Variants in TFIP11 observed in about 807,000 individuals in gnomAD.
The protein encoded by TFIP11 is tuftelin-interacting protein 11.
A neutral mutation model predicts 96.8 loss-of-function variants in TFIP11; 86 were observed. The ratio of observed to expected loss-of-function variants is 0.89; its 90% confidence interval spans 0.75 to 1.06. The LOEUF is 1.06. Ranked by LOEUF, TFIP11 falls within the 50% of genes least tolerant of loss-of-function variation. The pLI is 0.00. For missense variants in TFIP11, 881 were observed against 1,076.7 expected, an observed-to-expected ratio of 0.82 and a Z score of 2.54; for synonymous variants, 405 against 395.2, an observed-to-expected ratio of 1.02 and a Z score of -0.29.
At chr22:26,496,915 C>A in intron 10 of TFIP11, 26 bp from the exon 11 acceptor site, 3 of 1,611,872 alleles carry the variant, frequency 1.9e-6, no homozygotes, top group Non-Finnish European at 2.5e-6. Context: ...AGAGGACAGG[C>A]TGGTTAATTA....
intron 8 of TFIP11, 74 bp downstream of exon 8, chr22:26,501,826 A>G: frequency 7.1e-7 from 1 of 1,411,772 alleles, no homozygotes; most frequent in Non-Finnish European, 9.4e-7. Context: ...AAAAGATCCA[A>G]AAAACCCTCG....
chr22:26,508,594 G>A (rs1489686875), intron 4 of TFIP11, among the ~76,000 whole-genome samples: 1 of 152,164 alleles, frequency 6.6e-6, no homozygotes, highest in Non-Finnish European at 1.5e-5. Context: ...GGTGGCTCAC[G>A]CCTGTAATCC....
intron 4 of TFIP11, among the ~76,000 whole-genome samples, chr22:26,508,320 G>A (rs1452210133): frequency 6.6e-6 from 1 of 152,280 alleles, no homozygotes; most frequent in East Asian, 1.9e-4. Flanking sequence ...ATGACCATTA[G>A]CCTCAGTCTC....
At position 26,492,231 on chromosome 22, in the gene TFIP11, C is replaced by T. The variant is rs144403503; in HGVS notation, c.2296G>A (p.Ala766Thr). The T allele has an allele frequency of 1.2e-4, 189 of 1,614,112 alleles. No individual in the cohort carries two copies. In the African/African-American group the frequency reaches 2.3e-3, roughly 20 times the overall value. ...NMAQRGIGVA[A>T]SSVPMNFKDL... ...TTAAAGTTCATGGGCACAGAGCTAGCGGCCACGCCAATGCCCCTCTGAGCC... is the reference window on the plus strand; with the variant it reads ...TTAAAGTTCATGGGCACAGAGCTAGTGGCCACGCCAATGCCCCTCTGAGCC... Residue 766 changes from alanine to threonine, a missense_variant, in exon 15 of 15, where the codon GCT (alanine) becomes ACT (threonine). Coordinates refer to ENST00000407690, the MANE Select transcript of TFIP11 (RefSeq NM_012143.4).
At chr22:26,494,456 GA>G in intron 13 of TFIP11, 152 bp from the exon 14 acceptor site, 2 of 953,122 alleles carry the variant, frequency 2.1e-6, no homozygotes, top group Non-Finnish European at 3.1e-6. Flanking sequence ...TAGCACTTAT[GA>G]ATATGGATTT....
At chr22:26,507,905 A>G (rs1923611795) in intron 4 of TFIP11, among the ~76,000 whole-genome samples, 2 of 152,190 alleles carry the variant, frequency 1.3e-5, no homozygotes, top group Non-Finnish European at 1.5e-5. Flanking sequence ...CAGGAGTTCA[A>G]GACCAGCTGG....
At chr22:26,494,406 G>A (rs1480501641) in intron 13 of TFIP11, 102 bp from the exon 14 acceptor site, 1 of 1,349,952 alleles carries the variant, frequency 7.4e-7, no homozygotes. Context: ...CTACAGGCTA[G>A]TGACACTACT....
rs374757982 is a variant in TFIP11 at position 26,501,975 on chromosome 22, G to A, written c.726C>T (p.Thr242=). The A allele has an allele frequency of 4.2e-5, 67 of 1,613,576 alleles. No individual in the cohort carries two copies. The highest frequency in any genetic ancestry group is 1.3e-4 in the East Asian group (6 of 44,788). The change falls in exon 8 of 15, where the codon ACC becomes ACT. Residue 242 remains threonine, a synonymous_variant. Coordinates refer to ENST00000407690, the MANE Select transcript of TFIP11 (RefSeq NM_012143.4). ...SKKKPKYSYK[T]VEELKAKGRI... ...TGCCCTTGGCCTTCAACTCTTCCAC[G>A]GTCTTGTAAGAGTATTTGGGCTTCT...
intron 6 of TFIP11, chr22:26,505,964 T>G (rs1266481398): frequency 2.3e-5 from 4 of 172,230 alleles, no homozygotes; most frequent in Non-Finnish European, 3.7e-5. Flanking sequence ...ACCACCCGCC[T>G]TGGCCTCCCA....
intron 13 of TFIP11, 52 bp downstream of exon 13, chr22:26,494,745 T>G (rs1921701099): frequency 6.2e-7 from 1 of 1,611,322 alleles, no homozygotes; most frequent in Admixed American, 1.7e-5. Context: ...GAAAATTAAC[T>G]TAATCCCCAC....
chr22:26,496,878 T>C lies in TFIP11; in HGVS notation c.1448A>G (p.Glu483Gly), dbSNP rs200959980. The change falls in exon 11 of 15, where the codon GAA becomes GGA. Residue 483 changes from glutamate to glycine, a missense_variant. Transcript: ENST00000407690. ...SADAFHRLIW[E>G]VWMPFVRNIV... Reference sequence around the variant, plus strand: ...ATTTCGAACAAAAGGCATCCAGACTTCCCATATCAACCTATGGGAGAAAGG... The same window carrying C: ...ATTTCGAACAAAAGGCATCCAGACTCCCCATATCAACCTATGGGAGAAAGG... 1.9e-6 allele frequency: 3 copies of C among 1,613,994 alleles called. No individual in the cohort carries two copies. The East Asian group carries it at 6.7e-5, about 36-fold the overall frequency.
At chr22:26,494,405 A>AGT (rs1921655366) in intron 13 of TFIP11, 101 bp from the exon 14 acceptor site, 1 of 1,357,932 alleles carries the variant, frequency 7.4e-7, no homozygotes, top group Non-Finnish European at 1.0e-6. Flanking sequence ...CCTACAGGCT[A>AGT]GTGACACTAC....
At chr22:26,505,053 G>C (rs1019213000) in intron 6 of TFIP11, among the ~76,000 whole-genome samples, 2 of 152,066 alleles carry the variant, frequency 1.3e-5, no homozygotes, top group African/African-American at 4.8e-5. Flanking sequence ...CTCCAGTCTG[G>C]GTGACAAGAG....
chr22:26,495,604 A>ATG (rs1288827695), intron 12 of TFIP11, among the ~76,000 whole-genome samples: 2 of 29,504 alleles, frequency 6.8e-5, no homozygotes, highest in Non-Finnish European at 1.0e-4. Context: ...ATATACATAT[A>ATG]TATGTGTGTA....
chr22:26,494,434 A>C, intron 13 of TFIP11, 130 bp from the exon 14 acceptor site: 1 of 1,111,372 alleles, frequency 9.0e-7, no homozygotes, highest in South Asian at 1.4e-5. Flanking sequence ...GATTTATAGT[A>C]GCTAAACAGT....
intron 10 of TFIP11, among the ~76,000 whole-genome samples, chr22:26,497,668 G>A (rs1467145192): frequency 6.6e-6 from 1 of 152,208 alleles, no homozygotes; most frequent in East Asian, 1.9e-4. Context: ...ACGAGGTCAA[G>A]AGATCGAGAC....
At position 26,492,100 on chromosome 22, in the gene TFIP11, G is replaced by T. The variant is rs759190048; in HGVS notation, c.2427C>A (p.Ile809=). ...CAAAGACCACTCCCCGGTCGATGTA[G>T]ATCACAATGCGGCCAAAGGTGTAGA... ...KQLYTFGRIV[I]YIDRGVVFVQ... The change falls in exon 15 of 15, where the codon ATC becomes ATA. Residue 809 remains isoleucine (I), a synonymous_variant. Transcript: ENST00000407690. 4 of 1,613,984 alleles carry T rather than the reference G, an allele frequency of 2.5e-6. No homozygotes were observed. Among genetic ancestry groups the T allele is most frequent in the Admixed American group, 1.7e-5 (1 of 59,992 alleles).
rs1198425196 is a variant in TFIP11 at position 26,496,828 on chromosome 22, T to C, written c.1498A>G (p.Asn500Asp). The change falls in exon 11 of 15, where the codon AAC becomes GAC. Residue 500 changes from asparagine to aspartate, a missense_variant. Transcript: ENST00000407690. ...RNIVTQWQPR[N>D]CDPMVDFLDS... ...AAAAAGTCCACCATCGGGTCACAGTTCCTTGGCTGCCACTGGGTGACAATA... is the reference window on the plus strand; with the variant it reads ...AAAAAGTCCACCATCGGGTCACAGTCCCTTGGCTGCCACTGGGTGACAATA... The C allele has an allele frequency of 6.2e-7, 1 of 1,614,050 alleles. No homozygotes were observed. The highest frequency in any genetic ancestry group is 8.5e-7 in the Non-Finnish European group (1 of 1,180,040).
At position 26,499,298 on chromosome 22, in the gene TFIP11, T is replaced by A; in HGVS notation, c.1135A>T (p.Met379Leu). 1 of 1,613,810 alleles carries A rather than the reference T, an allele frequency of 6.2e-7. No individual in the cohort carries two copies. Among genetic ancestry groups the A allele is most frequent in the Non-Finnish European group, 8.5e-7 (1 of 1,179,772 alleles). ...ATCCGCCGCTCGCACTCCTCCACCA[T>A]CTCCAGGACCTTGCTGAGGTTCGAG... is the stretch of plus-strand genomic sequence containing the variant. ...VISNLSKVLE[M>L]VEECERRMQP... The change falls in exon 9 of 15, where the codon ATG (methionine) becomes TTG (leucine). Residue 379 changes from methionine (M) to leucine (L), a missense_variant. Met to Leu is a conservative substitution (Grantham distance 15). Transcript: ENST00000407690.
Sources: gnomAD v4.1 joint callset for allele counts (sites outside exome capture counted in the v4.1 genomes callset) on GRCh38, gnomAD v4.1.1 for gene constraint, MANE v1.5 for transcripts, NCBI Gene and HGNC (gene_info 2026-07-23, HGNC 2026-07-21) for gene names.